RCC1L: variants seen among roughly 807,000 people sequenced by gnomAD.
RCC1L encodes the protein RCC1-like G exchanging factor-like protein.
In RCC1L, 46 loss-of-function variants were observed where a neutral mutation model predicts 58.6. The ratio of observed to expected loss-of-function variants is 0.79; its 90% CI spans 0.62 to 1.00. RCC1L has a LOEUF of 1.00. Among genes scored for constraint, RCC1L ranks in the 50% least tolerant of loss-of-function variants. The probability of loss-of-function intolerance (pLI) is 0.00; values close to 1 mark genes in which losing one functional copy is unlikely to be tolerated. For synonymous variants in RCC1L, 281 were observed against 262.9 expected, an observed-to-expected ratio of 1.07 and a Z score of -0.67; for missense variants, 636 against 623.6, an observed-to-expected ratio of 1.02 and a Z score of -0.21.
chr7:75,056,391 C>G lies in RCC1L; in HGVS notation c.1058-317G>C. ...GTATAAATCATCCAGAAAACCCATACGAATACCAGAGAATTGGAGGATGTT... is the reference window on the plus strand; with the variant it reads ...GTATAAATCATCCAGAAAACCCATAGGAATACCAGAGAATTGGAGGATGTT... On this transcript the variant is annotated intron_variant, in intron 8 of 10. Coordinates refer to ENST00000610322, the MANE Select transcript of RCC1L (RefSeq NM_030798.5). 6 of 946,802 alleles carry G rather than the reference C, an allele frequency of 6.3e-6. 1 individual carries two copies. The South Asian group carries it at 1.1e-4, about 17-fold the overall frequency. 58.7% of individuals were successfully genotyped at this position (946,802 alleles called of 1,614,324 possible).
At chr7:75,032,543 TG>T (rs1367025574) in intron 10 of RCC1L, among the ~76,000 whole-genome samples, 17 of 152,014 alleles carry the variant, frequency 1.1e-4, no homozygotes, top group Non-Finnish European at 1.8e-4. Flanking sequence ...AGATTTTCCA[TG>T]GGGGGGTAGC....
chr7:75,073,312 C>A, intron 1 of RCC1L, 102 bp downstream of exon 1: 1 of 519,734 alleles, frequency 1.9e-6, no homozygotes, highest in South Asian at 4.8e-5. Context: ...GGAAGTCTGT[C>A]CACCCAGAGG....
intron 3 of RCC1L, 120 bp from the exon 4 acceptor site, chr7:75,064,768 C>A (rs1411634503): frequency 1.8e-6 from 2 of 1,136,102 alleles, no homozygotes; most frequent in East Asian, 4.8e-5. Context: ...CCCCCAACTG[C>A]CCCTGGGTTT....
At chr7:75,059,326 G>A (rs1414235356) in intron 6 of RCC1L, among the ~76,000 whole-genome samples, 2 of 150,104 alleles carry the variant, frequency 1.3e-5, no homozygotes, top group Non-Finnish European at 3.0e-5. Flanking sequence ...GCAGTGGTGC[G>A]ATCTCGGCTC....
intron 9 of RCC1L, among the ~76,000 whole-genome samples, chr7:75,055,331 T>C (rs1341219419): frequency 6.6e-6 from 1 of 152,146 alleles, no homozygotes; most frequent in African/African-American, 2.4e-5. Flanking sequence ...TAAGCGGATA[T>C]TCTGTGGCTT....
chr7:75,038,529 C>CT (rs34348635), downstream of RCC1L, among the ~76,000 whole-genome samples: 3,571 of 139,010 alleles, frequency 0.026, 87 homozygotes, highest in South Asian at 0.065. Context: ...CGCTTCCCGC[C>CT]TTTTTTTTTT....
downstream of RCC1L, among the ~76,000 whole-genome samples, chr7:75,039,323 G>A (rs1362294629): frequency 1.3e-5 from 2 of 152,368 alleles, no homozygotes; most frequent in East Asian, 1.9e-4. Context: ...GGCCGTGCCC[G>A]AGCCTTCTCT....
At chr7:75,071,436 G>A (rs1055181128) in intron 1 of RCC1L, among the ~76,000 whole-genome samples, 6 of 152,066 alleles carry the variant, frequency 3.9e-5, no homozygotes, top group Admixed American at 6.6e-5. Flanking sequence ...CTTGAGGTCA[G>A]GAGTTTGAGA....
chr7:75,053,814 A>T (rs1314553599), intron 9 of RCC1L, among the ~76,000 whole-genome samples: 1 of 152,146 alleles, frequency 6.6e-6, no homozygotes, highest in African/African-American at 2.4e-5. Flanking sequence ...GGGCTGATGA[A>T]GTACGGAATA....
At chr7:75,043,638 C>T (rs897685710) in intron 10 of RCC1L, among the ~76,000 whole-genome samples, 3,147 of 152,218 alleles carry the variant, frequency 0.021, 123 homozygotes, top group African/African-American at 0.072. Flanking sequence ...CCAAGGCAGG[C>T]GGATCACGTG....
chr7:75,061,995 C>T (rs1488913495), intron 5 of RCC1L, among the ~76,000 whole-genome samples: 2 of 152,116 alleles, frequency 1.3e-5, no homozygotes, highest in East Asian at 3.8e-4. Flanking sequence ...CAAGACCAGC[C>T]TGGCCAACAT....
chr7:75,041,863 C>CAAAAAAAAAA (rs1201913828), downstream of RCC1L, among the ~76,000 whole-genome samples: 2 of 64,502 alleles, frequency 3.1e-5, no homozygotes, highest in African/African-American at 4.1e-5. Context: ...GACTCTGTCT[C>CAAAAAAAAAA]AAAAAAAAAA....
At chr7:75,031,269 C>T (rs1805295736) in intron 10 of RCC1L, among the ~76,000 whole-genome samples, 1 of 152,146 alleles carries the variant, frequency 6.6e-6, no homozygotes, top group Admixed American at 6.5e-5. Context: ...CCACAACCCC[C>T]TCCAACCCTC....
chr7:75,058,896 G>T, intron 6 of RCC1L, 127 bp from the exon 7 acceptor site: 1 of 1,219,182 alleles, frequency 8.2e-7, no homozygotes, highest in Non-Finnish European at 1.2e-6. Flanking sequence ...CCAGTCTGGG[G>T]CTGGGTGCAG....
intron 2 of RCC1L, 116 bp from the exon 3 acceptor site, chr7:75,066,908 C>T: frequency 2.9e-6 from 4 of 1,368,338 alleles, no homozygotes; most frequent in Non-Finnish European, 3.8e-6. Context: ...AAAGACTCAT[C>T]AAGACAGGTA....
chr7:75,073,704 G>A lies in RCC1L; in HGVS notation c.34C>T (p.Leu12=). The A allele has an allele frequency of 6.6e-7, 1 of 1,510,552 alleles. No homozygotes were observed. Among genetic ancestry groups the A allele is most frequent in the Admixed American group, 2.1e-5 (1 of 48,046 alleles). The allele number at this position is 1,510,552 out of a possible 1,614,324, so 93.6% of individuals were successfully genotyped here. A position where few individuals can be genotyped will look rare whatever the true frequency, so the allele number is the denominator to read the frequency against. ...ALVALVAGAR[L]GRRLSGPGLG... ...CCCGGCCCGCTCAGCCGCCGCCCCA[G>A]CCGAGCCCCAGCCACCAACGCCACC... The change falls in exon 1 of 11, where the codon CTG becomes TTG. Residue 12 remains leucine, a synonymous_variant. Coordinates refer to ENST00000610322, the MANE Select transcript of RCC1L (RefSeq NM_030798.5).
At chr7:75,067,129 C>T (rs1554445268) in intron 2 of RCC1L, among the ~76,000 whole-genome samples, 1 of 151,664 alleles carries the variant, frequency 6.6e-6, no homozygotes, top group Admixed American at 6.6e-5. Flanking sequence ...TGGTGAACCC[C>T]ATCTCTATTT....
Position 75,073,027 on chromosome 7 carries a change from A to G in RCC1L, c.324+387T>C, listed in dbSNP as rs143838776. Among the ~76,000 whole-genome samples, 28 of 152,320 alleles carry G rather than the reference A, an allele frequency of 1.8e-4. No individual in the cohort carries two copies. The East Asian group carries it at 4.6e-3, about 25-fold the overall frequency. On this transcript the variant is annotated intron_variant, in intron 1 of 10. Transcript: ENST00000610322. ...GTATACATTTTCAATGGACTTTTGA[A>G]TTTTGCTTTCCTAACATCAGAACTC...
intron 7 of RCC1L, 71 bp from the exon 8 acceptor site, chr7:75,057,687 G>GCTACTCT: frequency 7.1e-7 from 1 of 1,414,548 alleles, no homozygotes; most frequent in Non-Finnish European, 1.0e-6. Context: ...TCTGGTCTTA[G>GCTACTCT]GTACAGAGTA....
Sources: allele counts gnomAD v4.1 joint callset (sites outside exome capture counted in the v4.1 genomes callset), GRCh38; gene constraint gnomAD v4.1.1; transcripts MANE v1.5; gene names NCBI Gene and HGNC (gene_info 2026-07-23, HGNC 2026-07-21).